The following ZFP3 variants were observed in gnomAD, a reference collection of about 807,000 sequenced individuals.
ZFP3 encodes zinc finger protein 3 homolog.
Under a neutral mutation model 36.7 loss-of-function variants are expected in ZFP3, and 18 were observed. The ratio of observed to expected loss-of-function variants is 0.49; its 90% CI spans 0.34 to 0.73. The LOEUF is 0.73. ZFP3 is among the 30% of genes least tolerant of loss of function. ZFP3 has a pLI of 0.01. For synonymous variants in ZFP3, 218 were observed against 199.0 expected, an observed-to-expected ratio of 1.10 and a Z score of -0.81; for missense variants, 495 against 599.0, an observed-to-expected ratio of 0.83 and a Z score of 1.81.
intron 1 of ZFP3, among the ~76,000 whole-genome samples, chr17:5,087,649 T>A (rs994106040): frequency 1.3e-5 from 2 of 152,144 alleles, no homozygotes; most frequent in Non-Finnish European, 2.9e-5. Flanking sequence ...TCACTAGCCC[T>A]GGGCCTGAAG....
chr17:5,082,302 A>G (rs1046497991), intron 1 of ZFP3, among the ~76,000 whole-genome samples: 1 of 151,834 alleles, frequency 6.6e-6, no homozygotes, highest in Non-Finnish European at 1.5e-5. Context: ...AGCCAAGATC[A>G]CGCCACTGCA....
chr17:5,087,497 C>T (rs187739730), intron 1 of ZFP3, among the ~76,000 whole-genome samples: 332 of 152,310 alleles, frequency 2.2e-3, no homozygotes, highest in Admixed American at 4.4e-3. Context: ...TTCCTCTACT[C>T]ACCCCTTTAT....
Position 5,078,929 on chromosome 17 carries a change from G to T in ZFP3, c.-9+354G>T, listed in dbSNP as rs1004687637. Among the ~76,000 whole-genome samples the T allele has an allele frequency of 6.6e-6, 1 of 152,158 alleles. No individual in the cohort carries two copies. Among genetic ancestry groups the T allele is most frequent in the African/African-American group, 2.4e-5 (1 of 41,420 alleles). On this transcript the variant is annotated intron_variant, in intron 1 of 1. Coordinates refer to ENST00000318833, the MANE Select transcript of ZFP3 (RefSeq NM_153018.3). This position sits in a 1 kb window ranked among gnomAD's most constrained non-coding sequence, Gnocchi z 4.5. Reference sequence around the variant, plus strand: ...AAGTAAACCGCTAGGACGAAATGGCGGGCAGTGTCACAAACTTAACGCCCT... The same window carrying T: ...AAGTAAACCGCTAGGACGAAATGGCTGGCAGTGTCACAAACTTAACGCCCT...
intron 1 of ZFP3, among the ~76,000 whole-genome samples, chr17:5,087,535 A>G (rs2072127956): frequency 6.6e-6 from 1 of 151,972 alleles, no homozygotes; most frequent in African/African-American, 2.4e-5. Flanking sequence ...GAAACAGCTC[A>G]CTCAAATTAG....
chr17:5,091,480 T>TA lies in ZFP3; in HGVS notation c.-8-16dup, dbSNP rs942290645. On this transcript the variant is annotated splice_polypyrimidine_tract_variant and intron_variant, in intron 1 of 1. Coordinates refer to ENST00000318833, the MANE Select transcript of ZFP3 (RefSeq NM_153018.3). The stretch of plus-strand genomic sequence containing the variant: ...ATATGATACGGTCCCTTCACATACT[T>TA]ACCTCTCTCATTTCAGATTGTGAGA... 25 of 1,608,276 alleles carry TA rather than the reference T, an allele frequency of 1.6e-5. No homozygotes were observed. In the African/African-American group the frequency reaches 1.7e-4, roughly 11 times the overall value.
In ZFP3 at chr17:5,095,567, AC is replaced by A. The variant is rs2072176655; in HGVS notation, c.*2558del. 1 of 166,686 alleles carries A rather than the reference AC, an allele frequency of 6.0e-6. No homozygotes were observed. Among genetic ancestry groups the A allele is most frequent in the Non-Finnish European group, 1.5e-5 (1 of 68,054 alleles). 10.3% of individuals were successfully genotyped at this position (166,686 alleles called of 1,614,324 possible). A position where few individuals can be genotyped will look rare whatever the true frequency, so the allele number is the denominator to read the frequency against. On this transcript the variant is annotated 3_prime_UTR_variant, in exon 2 of 2. Transcript: ENST00000318833. ...TCCTAAACAATCTATGCACACAAACACCCCTGAGCAATATGGACTTCACTGA... is the reference window on the plus strand; with the variant it reads ...TCCTAAACAATCTATGCACACAAACACCCTGAGCAATATGGACTTCACTGA...
chr17:5,092,056 T>G lies in ZFP3; in HGVS notation c.552T>G (p.Leu184=), dbSNP rs1400029721. 1.2e-6 allele frequency: 2 copies of G among 1,614,102 alleles called. No individual in the cohort carries two copies. Among genetic ancestry groups the G allele is most frequent in the Non-Finnish European group, 1.7e-6 (2 of 1,180,046 alleles). ...AGACATTTGGAACTAATTCAAGCCT[T>G]CGACGGCACCTGAGAATTCATGCTG... The part of the protein sequence containing the change: ...CGKTFGTNSS[L]RRHLRIHAGE... Residue 184 remains leucine (L), a synonymous_variant, in exon 2 of 2, where the codon CTT becomes CTG. Transcript: ENST00000318833. The surrounding 1 kb of genome is among the most constrained non-coding windows in gnomAD (Gnocchi z 5.0).
chr17:5,079,305 T>G (rs1363939282), intron 1 of ZFP3, among the ~76,000 whole-genome samples: 3 of 152,072 alleles, frequency 2.0e-5, no homozygotes, highest in East Asian at 1.9e-4. Context: ...GAGGATCACT[T>G]GAGCACAGGA....
chr17:5,091,552 A>G lies in ZFP3; in HGVS notation c.48A>G (p.Glu16=). The stretch of plus-strand genomic sequence containing the variant: ...TGATTCCCAAGGAAGAAATTTCTGA[A>G]GAATCTGAGCCACATGGGTCATTAT... The part of the protein sequence containing the change: ...KEVIPKEEIS[E]ESEPHGSLLE... Residue 16 remains glutamate (E), a synonymous_variant, in exon 2 of 2, where the codon GAA becomes GAG. Transcript: ENST00000318833. 2 of 1,614,206 alleles carry G rather than the reference A, an allele frequency of 1.2e-6. No homozygotes were observed. The highest frequency in any genetic ancestry group is 1.1e-5 in the South Asian group (1 of 91,080).
At position 5,093,063 on chromosome 17, in the gene ZFP3, C is replaced by G; in HGVS notation, c.*50C>G. Reference sequence around the variant, plus strand: ...TGGAAAAGCTAAAGTCCAACTTATTCATTTGTTCATAATATGCAAATATGC... The same window carrying G: ...TGGAAAAGCTAAAGTCCAACTTATTGATTTGTTCATAATATGCAAATATGC... On this transcript the variant is annotated 3_prime_UTR_variant, in exon 2 of 2. Coordinates refer to ENST00000318833, the MANE Select transcript of ZFP3 (RefSeq NM_153018.3). 6.6e-7 allele frequency: 1 copy of G among 1,510,656 alleles called. No individual in the cohort carries two copies. Among genetic ancestry groups the G allele is most frequent in the Non-Finnish European group, 8.9e-7 (1 of 1,129,564 alleles). 93.6% of individuals were successfully genotyped at this position (1,510,656 alleles called of 1,614,324 possible).
At chr17:5,087,433 A>G (rs1027715044) in intron 1 of ZFP3, among the ~76,000 whole-genome samples, 5 of 152,056 alleles carry the variant, frequency 3.3e-5, no homozygotes, top group African/African-American at 1.2e-4. Flanking sequence ...TCTGTGACAC[A>G]TTATTCTGGT....
At position 5,092,015 on chromosome 17, in the gene ZFP3, T is replaced by C; in HGVS notation, c.511T>C (p.Cys171Arg). The change falls in exon 2 of 2, where the codon TGT (cysteine) becomes CGT (arginine). Residue 171 changes from cysteine (C) to arginine (R), a missense_variant. Physicochemically the swap from Cys to Arg is radical, Grantham distance 180. This residue lies in a region of ZFP3 where 229 missense variants were observed against 233.8 expected (regional missense o/e 0.98). Coordinates refer to ENST00000318833, the MANE Select transcript of ZFP3 (RefSeq NM_153018.3). The surrounding 1 kb of genome is among the most constrained non-coding windows in gnomAD (Gnocchi z 5.0). ...TCATAGTGGAGAAAAACCCTTTGAA[T>C]GTAAAGAATGTGGAAAGACATTTGG... ...RVHSGEKPFE[C>R]KECGKTFGTN... The C allele has an allele frequency of 6.2e-7, 1 of 1,614,190 alleles. No individual in the cohort carries two copies. Among genetic ancestry groups the C allele is most frequent in the Non-Finnish European group, 8.5e-7 (1 of 1,180,030 alleles).
In ZFP3 at chr17:5,096,106, GACTT is replaced by G. The variant is rs1011199053; in HGVS notation, c.*3098_*3101del. On this transcript the variant is annotated 3_prime_UTR_variant, in exon 2 of 2. Coordinates refer to ENST00000318833, the MANE Select transcript of ZFP3 (RefSeq NM_153018.3). ...TTTCCTTCTGTTTGCCTCCCTCTTCGACTTACTTGGGAGTCAGCATCTGACCACA... is the reference window on the plus strand; with the variant it reads ...TTTCCTTCTGTTTGCCTCCCTCTTCGACTTGGGAGTCAGCATCTGACCACA... 1.2e-5 allele frequency: 2 copies of G among 166,752 alleles called. No individual in the cohort carries two copies. The highest frequency in any genetic ancestry group is 1.9e-4 in the East Asian group (1 of 5,196). The allele number at this position is 166,752 out of a possible 1,614,324, so 10.3% of individuals were successfully genotyped here. A position where few individuals can be genotyped will look rare whatever the true frequency, so the allele number is the denominator to read the frequency against.
At position 5,078,862 on chromosome 17, in the gene ZFP3, G is replaced by A. The variant is rs1418229692; in HGVS notation, c.-9+287G>A. 1.3e-5 allele frequency among the ~76,000 whole-genome samples: 2 copies of A among 152,172 alleles called. No homozygotes were observed. Among genetic ancestry groups the A allele is most frequent in the African/African-American group, 4.8e-5 (2 of 41,446 alleles). On this transcript the variant is annotated intron_variant, in intron 1 of 1. Transcript: ENST00000318833. The surrounding 1 kb of genome is among the most constrained non-coding windows in gnomAD (Gnocchi z 4.5). ...GGACACTCCCTTCTGTACCGAGGTG[G>A]GGACCCGTGGGAGCTGTGGTTTTCT...
chr17:5,089,638 A>G (rs1372982054), intron 1 of ZFP3, among the ~76,000 whole-genome samples: 2 of 152,172 alleles, frequency 1.3e-5, no homozygotes, highest in Non-Finnish European at 2.9e-5. Flanking sequence ...AAAAGTTTTA[A>G]AAAGGTACTC....
At chr17:5,081,775 G>A (rs1038189698) in intron 1 of ZFP3, among the ~76,000 whole-genome samples, 1 of 151,160 alleles carries the variant, frequency 6.6e-6, no homozygotes, top group African/African-American at 2.4e-5. Flanking sequence ...CTAATTTTTT[G>A]TGTTTTTAGT....
rs1040214530 is a variant in ZFP3 at position 5,090,648 on chromosome 17, A to G, written c.-8-849A>G. 8.5e-5 allele frequency among the ~76,000 whole-genome samples: 13 copies of G among 152,254 alleles called. No individual in the cohort carries two copies. The East Asian group carries it at 1.9e-3, about 23-fold the overall frequency. ...TTGCAGTTACTTCCCCTGTACACCCAAAAGTTATTTATATTAACTTGTCCT... is the reference window on the plus strand; with the variant it reads ...TTGCAGTTACTTCCCCTGTACACCCGAAAGTTATTTATATTAACTTGTCCT... On this transcript the variant is annotated intron_variant, in intron 1 of 1. Transcript: ENST00000318833.
Position 5,078,893 on chromosome 17 carries a change from A to G in ZFP3, c.-9+318A>G, listed in dbSNP as rs563576855. On this transcript the variant is annotated intron_variant, in intron 1 of 1. Transcript: ENST00000318833. The surrounding 1 kb of genome is among the most constrained non-coding windows in gnomAD (Gnocchi z 4.5). Reference sequence around the variant, plus strand: ...CGTGGGAGCTGTGGTTTTCTCAGACATTCCACCCCCAAGTAAACCGCTAGG... The same window carrying G: ...CGTGGGAGCTGTGGTTTTCTCAGACGTTCCACCCCCAAGTAAACCGCTAGG... 3.7e-3 allele frequency among the ~76,000 whole-genome samples: 567 copies of G among 152,252 alleles called. 3 individuals are homozygous for G. The highest frequency in any genetic ancestry group is 0.013 in the African/African-American group (522 of 41,530).
intron 1 of ZFP3, among the ~76,000 whole-genome samples, chr17:5,089,060 C>CCAAA (rs2072136311): frequency 1.3e-5 from 2 of 152,192 alleles, no homozygotes; most frequent in Non-Finnish European, 2.9e-5. Flanking sequence ...GCTTATTCTC[C>CCAAA]TGGCATTTGG....
Sources: allele counts gnomAD v4.1 joint callset (sites outside exome capture counted in the v4.1 genomes callset), GRCh38; gene constraint gnomAD v4.1.1; regional missense constraint gnomAD v4.1.1; non-coding constraint Gnocchi (gnomAD v3.1); transcripts MANE v1.5; gene names NCBI Gene and HGNC (gene_info 2026-07-23, HGNC 2026-07-21).